The following SMURF1 variants were observed in gnomAD, a reference collection of about 807,000 sequenced individuals.
The protein encoded by SMURF1 is E3 ubiquitin-protein ligase SMURF1.
A neutral mutation model predicts 98.0 loss-of-function variants in SMURF1; 44 were observed. The observed-to-expected ratio is 0.45, with a 90% CI of 0.35 to 0.58. The LOEUF (loss-of-function observed/expected upper bound fraction) is 0.58, where lower values mean the gene tolerates loss of function less well. Among genes scored for constraint, SMURF1 ranks in the 20% least tolerant of loss-of-function variants. The probability of loss-of-function intolerance (pLI) is 0.00; values close to 1 mark genes in which losing one functional copy is unlikely to be tolerated. For missense variants in SMURF1, 687 were observed against 938.4 expected, an observed-to-expected ratio of 0.73 and a Z score of 3.50; for synonymous variants, 396 against 374.9, an observed-to-expected ratio of 1.06 and a Z score of -0.65.
chr7:99,039,355 T>G (rs934122967), intron 13 of SMURF1, among the ~76,000 whole-genome samples: 1 of 150,840 alleles, frequency 6.6e-6, no homozygotes, highest in East Asian at 2.0e-4. Context: ...TTTTTCTTTC[T>G]TTTTTTTTGA....
intron 16 of SMURF1, 118 bp downstream of exon 16, chr7:99,035,397 T>G: frequency 8.4e-7 from 1 of 1,194,346 alleles, no homozygotes; most frequent in Non-Finnish European, 1.2e-6. Flanking sequence ...CTGGAGAACA[T>G]TCCTTATGCC....
chr7:99,077,684 A>G (rs927358385), intron 1 of SMURF1, among the ~76,000 whole-genome samples: 11 of 152,080 alleles, frequency 7.2e-5, no homozygotes, highest in Non-Finnish European at 1.3e-4. Flanking sequence ...TTCACTTTCT[A>G]TTCTTTGTTC....
chr7:99,059,412 TAA>T (rs1563010571), intron 3 of SMURF1, among the ~76,000 whole-genome samples: 1 of 26,450 alleles, frequency 3.8e-5, no homozygotes, highest in African/African-American at 2.3e-4. Context: ...AAAAATAAAA[TAA>T]AATAAAATAA....
At chr7:99,051,666 C>A (rs1015191637) in intron 7 of SMURF1, among the ~76,000 whole-genome samples, 1 of 152,146 alleles carries the variant, frequency 6.6e-6, no homozygotes, top group Non-Finnish European at 1.5e-5. Context: ...TACATGTTAC[C>A]TTGGTTTGCT....
chr7:99,094,922 T>C (rs1377968458), intron 1 of SMURF1, among the ~76,000 whole-genome samples: 1 of 152,150 alleles, frequency 6.6e-6, no homozygotes, highest in African/African-American at 2.4e-5. Flanking sequence ...CTCCCTCAGT[T>C]TGGCTACCTG....
intron 11 of SMURF1, 144 bp from the exon 12 acceptor site, chr7:99,042,376 T>C (rs1463098557): frequency 5.1e-6 from 3 of 582,684 alleles, no homozygotes; most frequent in African/African-American, 1.9e-5. Flanking sequence ...GCCTTCCTGG[T>C]CCAAGTGATT....
intron 1 of SMURF1, among the ~76,000 whole-genome samples, chr7:99,063,878 GCA>G (rs1796126598): frequency 6.6e-6 from 1 of 151,660 alleles, no homozygotes; most frequent in African/African-American, 2.4e-5. Flanking sequence ...CTGGGATCAA[GCA>G]ATCCTCTTGC....
At chr7:99,107,013 G>A (rs1355227800) in intron 1 of SMURF1, among the ~76,000 whole-genome samples, 1 of 152,186 alleles carries the variant, frequency 6.6e-6, no homozygotes, top group African/African-American at 2.4e-5. Flanking sequence ...ATAACACATC[G>A]TAGATTCTGT....
At chr7:99,055,858 C>T (rs979014394) in intron 5 of SMURF1, among the ~76,000 whole-genome samples, 22 of 151,720 alleles carry the variant, frequency 1.5e-4, no homozygotes, top group African/African-American at 5.3e-4. Flanking sequence ...TCCAGCTACT[C>T]AGGAGGCTGA....
chr7:99,059,402 A>AAAAAAAAAATAAAAT (rs1563010499), intron 3 of SMURF1, among the ~76,000 whole-genome samples: 1 of 77,456 alleles, frequency 1.3e-5, no homozygotes, highest in Non-Finnish European at 2.6e-5. Context: ...CATCTCAAAA[A>AAAAAAAAAATAAAAT]AAAATAAAAT....
chr7:99,063,225 T>A (rs1796079446), intron 1 of SMURF1, among the ~76,000 whole-genome samples: 1 of 121,320 alleles, frequency 8.2e-6, no homozygotes, highest in Non-Finnish European at 1.6e-5. Flanking sequence ...GATATATATA[T>A]ATATATAAGA....
At chr7:99,111,565 T>C (rs905465862) in intron 1 of SMURF1, among the ~76,000 whole-genome samples, 1 of 152,180 alleles carries the variant, frequency 6.6e-6, no homozygotes, top group African/African-American at 2.4e-5. Context: ...TTAAAAACAA[T>C]GAATAACTGG....
At chr7:99,117,300 G>A (rs1189498261) in intron 1 of SMURF1, among the ~76,000 whole-genome samples, 1 of 152,004 alleles carries the variant, frequency 6.6e-6, no homozygotes, top group Non-Finnish European at 1.5e-5. Context: ...TTTGGATTAG[G>A]TAATGATTTC....
rs934501665 is a variant in SMURF1, at chr7:99,049,680, A to C, written c.836T>G (p.Leu279Arg). Reference protein sequence around the residue: ...RDLNSVNCDELGPLPPGWEVR... With the variant: ...RDLNSVNCDERGPLPPGWEVR... ...TTCCCAGCCTGGCGGCAGTGGTCCA[A>C]GTTCATCACAGTTCACACTGTTAAG... is the stretch of plus-strand genomic sequence containing the variant. The change falls in exon 9 of 18, where the codon CTT (leucine) becomes CGT (arginine). Residue 279 changes from leucine to arginine, a missense_variant. Transcript: ENST00000361368. The C allele has an allele frequency of 2.5e-6, 4 of 1,614,140 alleles. No individual in the cohort carries two copies. The highest frequency in any genetic ancestry group is 2.5e-6 in the Non-Finnish European group (3 of 1,180,022).
At chr7:99,136,287 ATTC>A (rs1797991256) in intron 1 of SMURF1, among the ~76,000 whole-genome samples, 1 of 152,190 alleles carries the variant, frequency 6.6e-6, no homozygotes, top group African/African-American at 2.4e-5. Context: ...AATTGTCCAT[ATTC>A]TTTGCCTATT....
intron 1 of SMURF1, among the ~76,000 whole-genome samples, chr7:99,095,763 T>C (rs558836982): frequency 6.6e-6 from 1 of 152,174 alleles, no homozygotes; most frequent in Non-Finnish European, 1.5e-5. Context: ...GAGATGAGAA[T>C]TGCGCACTTA....
chr7:99,079,773 CTG>C (rs1414240517), intron 1 of SMURF1, among the ~76,000 whole-genome samples: 2 of 152,092 alleles, frequency 1.3e-5, no homozygotes, highest in Non-Finnish European at 2.9e-5. Flanking sequence ...AAATGAGAAA[CTG>C]TTTCAATCAA....
chr7:99,097,096 A>T (rs1214838831), intron 1 of SMURF1, among the ~76,000 whole-genome samples: 2 of 152,102 alleles, frequency 1.3e-5, no homozygotes, highest in Non-Finnish European at 2.9e-5. Flanking sequence ...AAAAAAAAAA[A>T]GTTTGTGAGA....
intron 16 of SMURF1, among the ~76,000 whole-genome samples, chr7:99,034,976 T>G (rs1795078665): frequency 6.6e-6 from 1 of 152,148 alleles, no homozygotes; most frequent in African/African-American, 2.4e-5. Context: ...CTCCAAACCC[T>G]AAGTGTAAAA....
Sources: allele counts gnomAD v4.1 joint callset (sites outside exome capture counted in the v4.1 genomes callset), GRCh38; gene constraint gnomAD v4.1.1; transcripts MANE v1.5; gene names NCBI Gene and HGNC (gene_info 2026-07-23, HGNC 2026-07-21).